Variants in SPPL3 observed in about 807,000 individuals in gnomAD.
The protein encoded by SPPL3 is signal peptide peptidase like 3.
A neutral mutation model predicts 42.4 loss-of-function variants in SPPL3; 5 were observed. The ratio of observed to expected loss-of-function variants is 0.12; its 90% CI spans 0.06 to 0.25. SPPL3 has a LOEUF of 0.25. Ranked by LOEUF, SPPL3 falls within the 10% of genes least tolerant of loss-of-function variation. The pLI, the probability that SPPL3 is intolerant of heterozygous loss-of-function variation, is 1.00. For synonymous variants in SPPL3, 195 were observed against 181.8 expected (o/e 1.07, Z -0.58); for missense variants, 235 against 489.0 (o/e 0.48, Z 4.90).
At chr12:120,797,092 G>A (rs1313125954) in intron 2 of SPPL3, among the ~76,000 whole-genome samples, 9 of 152,122 alleles carry the variant, frequency 5.9e-5, no homozygotes, top group African/African-American at 9.7e-5. Flanking sequence ...TCTTGAACCC[G>A]GGAGGTGGAG....
intron 3 of SPPL3, among the ~76,000 whole-genome samples, chr12:120,788,151 T>C (rs1411658637): frequency 6.6e-6 from 1 of 152,244 alleles, no homozygotes; most frequent in Non-Finnish European, 1.5e-5. Flanking sequence ...CTCTTTGCTG[T>C]TGCTGTGCAT....
chr12:120,820,984 T>G (rs1366226100), intron 1 of SPPL3, among the ~76,000 whole-genome samples: 1 of 152,046 alleles, frequency 6.6e-6, no homozygotes, highest in Non-Finnish European at 1.5e-5. Context: ...TGGAAAGACA[T>G]ATATGAAATA....
At position 120,768,699 on chromosome 12, in the gene SPPL3, C is replaced by T. The variant is rs1868996741; in HGVS notation, c.610-211G>A. ...AGAGATTACTCCCTGACGGGGTGGC[C>T]CCCACTGCAGCGAATCTTGTCAGCC... is the stretch of plus-strand genomic sequence containing the variant. On this transcript the variant is annotated intron_variant, in intron 7 of 10. Transcript: ENST00000353487. 1.2e-5 allele frequency: 8 copies of T among 661,404 alleles called. No individual in the cohort carries two copies. In the South Asian group the frequency reaches 1.6e-4, roughly 13 times the overall value. 41.0% of individuals were successfully genotyped at this position (661,404 alleles called of 1,614,324 possible).
At chr12:120,808,587 T>C (rs1870580775) in intron 2 of SPPL3, among the ~76,000 whole-genome samples, 1 of 152,220 alleles carries the variant, frequency 6.6e-6, no homozygotes. Context: ...ATCTTGGTGA[T>C]ATAATTCAAT....
At chr12:120,831,703 A>G (rs933423894) in intron 1 of SPPL3, among the ~76,000 whole-genome samples, 22 of 152,176 alleles carry the variant, frequency 1.4e-4, no homozygotes, top group Admixed American at 6.5e-4. Context: ...TCTTTAAGCC[A>G]TCTGTTCCCC....
chr12:120,881,827 T>C (rs1292002284), intron 1 of SPPL3, among the ~76,000 whole-genome samples: 2 of 151,400 alleles, frequency 1.3e-5, no homozygotes, highest in East Asian at 3.9e-4. Context: ...AAAATATTGT[T>C]AGATTCCATT....
Position 120,776,806 on chromosome 12 carries a change from G to T in SPPL3, c.502+5849C>A, listed in dbSNP as rs189912165. Reference sequence around the variant, plus strand: ...GAATAAAGAGGTTCAAGAAAGGAGAGCCATCAAAAAGTTAGCAGTGGGATT... The same window carrying T: ...GAATAAAGAGGTTCAAGAAAGGAGATCCATCAAAAAGTTAGCAGTGGGATT... On this transcript the variant is annotated intron_variant, in intron 6 of 10. Transcript: ENST00000353487. Among the ~76,000 whole-genome samples, 12 of 152,270 alleles carry T rather than the reference G, an allele frequency of 7.9e-5. No homozygotes were observed. The East Asian group carries it at 2.1e-3, about 27-fold the overall frequency.
chr12:120,806,157 TACAG>T (rs1870482187), intron 2 of SPPL3, among the ~76,000 whole-genome samples: 1 of 151,452 alleles, frequency 6.6e-6, no homozygotes, highest in Non-Finnish European at 1.5e-5. Flanking sequence ...AGAAGAGACA[TACAG>T]ACCAGACCTA....
intron 1 of SPPL3, chr12:120,811,479 C>G (rs1334257757): frequency 6.6e-6 from 1 of 152,280 alleles, no homozygotes; most frequent in Non-Finnish European, 1.5e-5. Context: ...AGCTAAAAAT[C>G]TGCTGCATTC....
At chr12:120,877,952 G>T (rs543300676) in intron 1 of SPPL3, among the ~76,000 whole-genome samples, 1 of 152,030 alleles carries the variant, frequency 6.6e-6, no homozygotes, top group African/African-American at 2.4e-5. Context: ...AATCTGGGAG[G>T]CAGAGGTTGC....
At chr12:120,897,243 ATACT>A (rs900630100) in intron 1 of SPPL3, among the ~76,000 whole-genome samples, 1 of 152,204 alleles carries the variant, frequency 6.6e-6, no homozygotes, top group Non-Finnish European at 1.5e-5. Flanking sequence ...GTACTACCTG[ATACT>A]TACAGGCTGA....
intron 1 of SPPL3, among the ~76,000 whole-genome samples, chr12:120,859,728 G>A (rs1328463046): frequency 6.6e-6 from 1 of 152,010 alleles, no homozygotes; most frequent in Non-Finnish European, 1.5e-5. Context: ...TGGATCACCT[G>A]AGGTCAGGAG....
At chr12:120,814,172 C>A (rs1592975882) in intron 1 of SPPL3, among the ~76,000 whole-genome samples, 1 of 152,294 alleles carries the variant, frequency 6.6e-6, no homozygotes. Flanking sequence ...CCACACCAGG[C>A]TTTGAGATGG....
intron 1 of SPPL3, among the ~76,000 whole-genome samples, chr12:120,890,125 G>C (rs556212447): frequency 6.6e-6 from 1 of 152,004 alleles, no homozygotes; most frequent in African/African-American, 2.4e-5. Context: ...GTGCATGCCT[G>C]TAATCCCAAC....
chr12:120,837,845 G>C (rs747027912), intron 1 of SPPL3, among the ~76,000 whole-genome samples: 1 of 151,780 alleles, frequency 6.6e-6, no homozygotes, highest in Non-Finnish European at 1.5e-5. Context: ...CACATGACTA[G>C]TGCCTAAATT....
intron 2 of SPPL3, 58 bp downstream of exon 2, chr12:120,810,751 A>T (rs1870655827): frequency 7.3e-7 from 1 of 1,364,404 alleles, no homozygotes; most frequent in Non-Finnish European, 1.0e-6. Flanking sequence ...GCACTTTCAG[A>T]GCAATGCTTC....
In SPPL3 at chr12:120,763,780, G is replaced by C. The variant is rs1868758924; in HGVS notation, c.*1219C>G. On this transcript the variant is annotated 3_prime_UTR_variant, in exon 11 of 11. Transcript: ENST00000353487. ...GTAAACCAAGACTATAATCACAACAGCAAGGACAGGATTGTGTTGCTTTTT... is the reference window on the plus strand; with the variant it reads ...GTAAACCAAGACTATAATCACAACACCAAGGACAGGATTGTGTTGCTTTTT... 6.7e-6 allele frequency: 1 copy of C among 149,956 alleles called. No homozygotes were observed. Among genetic ancestry groups the C allele is most frequent in the South Asian group, 2.1e-4 (1 of 4,662 alleles). 9.3% of individuals were successfully genotyped at this position (149,956 alleles called of 1,614,324 possible). A position where few individuals can be genotyped will look rare whatever the true frequency, so the allele number is the denominator to read the frequency against.
At chr12:120,833,681 GAAAAAAAAAA>G (rs1275744910) in intron 1 of SPPL3, among the ~76,000 whole-genome samples, 1 of 49,006 alleles carries the variant, frequency 2.0e-5, no homozygotes, top group Non-Finnish European at 6.4e-5. Flanking sequence ...AAAAAAAAAA[GAAAAAAAAAA>G]AAAGGAAAAA....
chr12:120,865,630 T>C (rs1311830056), intron 1 of SPPL3, among the ~76,000 whole-genome samples: 3 of 152,196 alleles, frequency 2.0e-5, no homozygotes, highest in Non-Finnish European at 4.4e-5. Context: ...CCTGGGATAG[T>C]AGATGCATTC....
Sources: allele counts gnomAD v4.1 joint callset (sites outside exome capture counted in the v4.1 genomes callset), GRCh38; gene constraint gnomAD v4.1.1; transcripts MANE v1.5; gene names NCBI Gene and HGNC (gene_info 2026-07-23, HGNC 2026-07-21).